OXR1: variants seen among roughly 807,000 people sequenced by gnomAD.
OXR1 encodes the protein oxidation resistance 1.
Under a neutral mutation model 104.6 loss-of-function variants are expected in OXR1, and 41 were observed. That is an observed-to-expected ratio of 0.39 (90% CI 0.31 to 0.51). The LOEUF is 0.51. OXR1 is among the 20% of genes least tolerant of loss of function. The pLI, the probability that OXR1 is intolerant of heterozygous loss-of-function variation, is 0.77. For synonymous variants in OXR1, 348 were observed against 348.4 expected (o/e 1.00, Z 0.01); for missense variants, 955 against 1,031.9 (o/e 0.93, Z 1.02).
intron 3 of OXR1, among the ~76,000 whole-genome samples, chr8:106,547,681 C>G (rs1198605987): frequency 6.6e-6 from 1 of 151,898 alleles, no homozygotes; most frequent in Non-Finnish European, 1.5e-5. Context: ...TTAGTAGAGA[C>G]AAGGTTTCAC....
chr8:106,294,539 G>A (rs1470198352), intron 1 of OXR1, among the ~76,000 whole-genome samples: 2 of 152,070 alleles, frequency 1.3e-5, no homozygotes, highest in African/African-American at 2.4e-5. Context: ...GACTCAGGAA[G>A]CTTACAATCA....
chr8:106,400,881 T>G (rs1487321264), intron 2 of OXR1, among the ~76,000 whole-genome samples: 1 of 152,166 alleles, frequency 6.6e-6, no homozygotes, highest in African/African-American at 2.4e-5. Flanking sequence ...AGTAAATTAT[T>G]ATTTTTACTT....
chr8:106,685,826 A>C (rs1298315369), intron 6 of OXR1, among the ~76,000 whole-genome samples: 1 of 152,220 alleles, frequency 6.6e-6, no homozygotes, highest in Non-Finnish European at 1.5e-5. Flanking sequence ...ATACTTGCAC[A>C]TGCGTATATA....
chr8:106,563,756 A>C (rs1816862492), intron 3 of OXR1, among the ~76,000 whole-genome samples: 1 of 152,214 alleles, frequency 6.6e-6, no homozygotes, highest in Non-Finnish European at 1.5e-5. Context: ...ACTCCTCAGC[A>C]AATGCAAAAG....
intron 7 of OXR1, among the ~76,000 whole-genome samples, chr8:106,702,249 C>T (rs770663296): frequency 1.3e-5 from 2 of 152,062 alleles, no homozygotes; most frequent in Admixed American, 6.6e-5. Context: ...CGTAAGCCAC[C>T]GTGCCTGCCC....
chr8:106,673,716 C>G (rs58518119), intron 3 of OXR1, among the ~76,000 whole-genome samples: 4,282 of 152,264 alleles, frequency 0.028, 210 homozygotes, highest in African/African-American at 0.099. Flanking sequence ...TGGGCCAGAC[C>G]CAGGGCCTTG....
chr8:106,312,232 C>A (rs1813735827), intron 1 of OXR1, among the ~76,000 whole-genome samples: 2 of 152,184 alleles, frequency 1.3e-5, no homozygotes, highest in South Asian at 2.1e-4. Context: ...AATCATAGTA[C>A]CAAATTCTAC....
At chr8:106,633,643 T>C (rs149168571) in intron 3 of OXR1, among the ~76,000 whole-genome samples, 6 of 152,326 alleles carry the variant, frequency 3.9e-5, no homozygotes, top group African/African-American at 1.4e-4. Context: ...TTTTGAAAGG[T>C]GGCTCAAAGT....
At chr8:106,525,977 CTG>C (rs1813632817) in intron 3 of OXR1, among the ~76,000 whole-genome samples, 1 of 152,158 alleles carries the variant, frequency 6.6e-6, no homozygotes. Context: ...ATGTTCCAGG[CTG>C]TGTTCAAAGT....
intron 3 of OXR1, 75 bp downstream of exon 3, chr8:106,519,214 T>G: frequency 1.1e-6 from 1 of 925,498 alleles, no homozygotes; most frequent in East Asian, 2.7e-5. Flanking sequence ...TGGGTCTGTT[T>G]AGTTAAGTGG....
intron 7 of OXR1, among the ~76,000 whole-genome samples, chr8:106,694,757 T>C (rs1389404039): frequency 1.7e-5 from 2 of 116,846 alleles, no homozygotes; most frequent in African/African-American, 7.0e-5. Context: ...TATATTAATA[T>C]ATATATTTAA....
intron 1 of OXR1, among the ~76,000 whole-genome samples, chr8:106,350,908 C>A (rs995002847): frequency 6.6e-6 from 1 of 152,128 alleles, no homozygotes; most frequent in African/African-American, 2.4e-5. Context: ...TACAACTGAA[C>A]TACATTCTGG....
chr8:106,731,978 A>G (rs955129316), intron 11 of OXR1, among the ~76,000 whole-genome samples: 5 of 152,180 alleles, frequency 3.3e-5, no homozygotes, highest in African/African-American at 1.2e-4. Context: ...GAATCCATAC[A>G]TCAAGTTGAG....
At chr8:106,521,715 C>T (rs993902080) in intron 3 of OXR1, among the ~76,000 whole-genome samples, 4 of 152,064 alleles carry the variant, frequency 2.6e-5, no homozygotes, top group Non-Finnish European at 4.4e-5. Flanking sequence ...GGTTTCACTG[C>T]GTTAGCCAGG....
chr8:106,435,670 A>G (rs1209779402), intron 2 of OXR1, among the ~76,000 whole-genome samples: 1 of 152,138 alleles, frequency 6.6e-6, no homozygotes, highest in Non-Finnish European at 1.5e-5. Flanking sequence ...GTACGTTTTG[A>G]CGTGAAATAA....
chr8:106,708,845 C>T (rs186629456), intron 9 of OXR1, among the ~76,000 whole-genome samples: 2 of 152,114 alleles, frequency 1.3e-5, no homozygotes, highest in East Asian at 1.9e-4. Context: ...GAGGAACCTC[C>T]GTACTGTTTT....
intron 3 of OXR1, among the ~76,000 whole-genome samples, chr8:106,539,131 C>G (rs1402879252): frequency 1.3e-5 from 2 of 152,138 alleles, no homozygotes; most frequent in Admixed American, 6.6e-5. Context: ...ACTGTATCAA[C>G]TCTGTATAAA....
intron 1 of OXR1, among the ~76,000 whole-genome samples, chr8:106,292,525 A>G (rs1257097183): frequency 6.6e-6 from 1 of 152,206 alleles, no homozygotes; most frequent in Non-Finnish European, 1.5e-5. Flanking sequence ...GTTCTGATTG[A>G]TGGCAATTGG....
intron 1 of OXR1, among the ~76,000 whole-genome samples, chr8:106,300,328 T>C (rs1503573): frequency 0.52 from 78,890 of 151,596 alleles, 21,709 homozygotes; most frequent in African/African-American, 0.71. Flanking sequence ...TTAATTTGAG[T>C]CCTGCATTTC....
Sources: gnomAD v4.1 joint callset for allele counts (sites outside exome capture counted in the v4.1 genomes callset) on GRCh38, gnomAD v4.1.1 for gene constraint, MANE v1.5 for transcripts, NCBI Gene and HGNC (gene_info 2026-07-23, HGNC 2026-07-21) for gene names.